THSD7A: variants seen among roughly 807,000 people sequenced by gnomAD.
THSD7A encodes the protein thrombospondin type-1 domain-containing protein 7A.
In THSD7A, 96 loss-of-function variants were observed where a neutral mutation model predicts 231.3. The ratio of observed to expected loss-of-function variants is 0.41; its 90% CI spans 0.35 to 0.49. The LOEUF (loss-of-function observed/expected upper bound fraction) is 0.49, where lower values mean the gene tolerates loss of function less well. Among genes scored for constraint, THSD7A ranks in the 20% least tolerant of loss-of-function variants. The pLI is 0.05. For synonymous variants in THSD7A, 940 were observed against 743.3 expected (o/e 1.26, Z -4.30); for missense variants, 2,290 against 2,070.2 (o/e 1.11, Z -2.06).
chr7:11,594,399 T>A (rs1011138685), intron 2 of THSD7A, among the ~76,000 whole-genome samples: 1 of 152,180 alleles, frequency 6.6e-6, no homozygotes, highest in Non-Finnish European at 1.5e-5. Context: ...AATTCTTTCA[T>A]TGGTTTTGGG....
intron 6 of THSD7A, among the ~76,000 whole-genome samples, chr7:11,532,626 T>C (rs1161785695): frequency 6.6e-6 from 1 of 152,166 alleles, no homozygotes; most frequent in Admixed American, 6.5e-5. Flanking sequence ...ACATATTACA[T>C]CATGCAGTGA....
At chr7:11,587,723 A>G (rs559201737) in intron 4 of THSD7A, among the ~76,000 whole-genome samples, 3 of 152,328 alleles carry the variant, frequency 2.0e-5, no homozygotes, top group Middle Eastern at 3.4e-3. Flanking sequence ...GTAGTACAGA[A>G]TATACCAATG....
chr7:11,812,105 T>TTGTG (rs34130500), intron 1 of THSD7A, among the ~76,000 whole-genome samples: 23 of 133,626 alleles, frequency 1.7e-4, no homozygotes, highest in Non-Finnish European at 2.5e-4. Flanking sequence ...GAAAAGAAAA[T>TTGTG]TGTGTGTGTG....
chr7:11,519,149 C>T (rs182830547), intron 6 of THSD7A, among the ~76,000 whole-genome samples: 8 of 150,546 alleles, frequency 5.3e-5, no homozygotes, highest in Admixed American at 4.6e-4. Context: ...AAGTTATAGA[C>T]AGTAATGTTC....
At chr7:11,639,014 C>G (rs577835615) in intron 1 of THSD7A, among the ~76,000 whole-genome samples, 1 of 152,096 alleles carries the variant, frequency 6.6e-6, no homozygotes, top group Non-Finnish European at 1.5e-5. Context: ...TATTCCCCAT[C>G]CCCACTGTGC....
chr7:11,810,675 G>A (rs549412981), intron 1 of THSD7A, among the ~76,000 whole-genome samples: 1 of 152,128 alleles, frequency 6.6e-6, no homozygotes, highest in South Asian at 2.1e-4. Context: ...TTCCATTCCA[G>A]ATGCCTTAAT....
chr7:11,405,435 T>A (rs1053628033), intron 22 of THSD7A, among the ~76,000 whole-genome samples: 2 of 152,118 alleles, frequency 1.3e-5, no homozygotes, highest in Admixed American at 6.6e-5. Flanking sequence ...ATAAGCAAAT[T>A]GGGAGAATAC....
intron 6 of THSD7A, among the ~76,000 whole-genome samples, chr7:11,507,850 AG>A (rs1787619370): frequency 6.6e-6 from 1 of 152,216 alleles, no homozygotes; most frequent in Admixed American, 6.5e-5. Flanking sequence ...GTAAAATATA[AG>A]GAACTCTTAT....
Position 11,444,840 on chromosome 7 carries a change from T to A in THSD7A, c.3064+1221A>T, listed in dbSNP as rs1029160105. ...TATATATATAATTAAACTATATATA[T>A]AATTAAACTATATATATAAAACTAT... On this transcript the variant is annotated intron_variant, in intron 13 of 27. Transcript: ENST00000423059. The surrounding 1 kb of genome is among the most constrained non-coding windows in gnomAD (Gnocchi z 4.2). Among the ~76,000 whole-genome samples, 1 of 147,762 alleles carries A rather than the reference T, an allele frequency of 6.8e-6. No individual in the cohort carries two copies. The highest frequency in any genetic ancestry group is 2.5e-5 in the African/African-American group (1 of 40,726).
At chr7:11,800,985 A>G (rs1166392231) in intron 1 of THSD7A, among the ~76,000 whole-genome samples, 1 of 152,086 alleles carries the variant, frequency 6.6e-6, no homozygotes, top group African/African-American at 2.4e-5. Flanking sequence ...TCAAGGGTAA[A>G]CATATATGTC....
intron 1 of THSD7A, among the ~76,000 whole-genome samples, chr7:11,810,432 A>G (rs1282953595): frequency 6.6e-6 from 1 of 152,140 alleles, no homozygotes; most frequent in South Asian, 2.1e-4. Context: ...TACACTGATT[A>G]CAATTGCTAT....
intron 1 of THSD7A, among the ~76,000 whole-genome samples, chr7:11,661,776 T>C (rs541666379): frequency 4.6e-5 from 7 of 151,302 alleles, no homozygotes; most frequent in African/African-American, 1.4e-4. Flanking sequence ...TAAATCCCAG[T>C]GAATATTGAA....
At chr7:11,567,931 T>C (rs1331529030) in intron 4 of THSD7A, among the ~76,000 whole-genome samples, 1 of 152,188 alleles carries the variant, frequency 6.6e-6, no homozygotes, top group Non-Finnish European at 1.5e-5. Context: ...CCTAATTTTT[T>C]TGGTAATTAC....
At chr7:11,428,464 G>T (rs1269322918) in intron 14 of THSD7A, among the ~76,000 whole-genome samples, 1 of 152,082 alleles carries the variant, frequency 6.6e-6, no homozygotes, top group Non-Finnish European at 1.5e-5. Flanking sequence ...GGCCATCTTT[G>T]TATTTCTTTT....
intron 2 of THSD7A, among the ~76,000 whole-genome samples, chr7:11,623,634 G>A (rs557581274): frequency 5.3e-5 from 8 of 152,198 alleles, no homozygotes; most frequent in East Asian, 1.9e-4. Flanking sequence ...TGAGTAGAGC[G>A]AAGTGATTAT....
chr7:11,388,071 A>C (rs1362352877), intron 23 of THSD7A, among the ~76,000 whole-genome samples: 2 of 152,112 alleles, frequency 1.3e-5, no homozygotes, highest in Non-Finnish European at 2.9e-5. Flanking sequence ...GTGGTAGATA[A>C]GCTTTTTGAT....
At chr7:11,558,799 T>G (rs535722175) in intron 4 of THSD7A, among the ~76,000 whole-genome samples, 4 of 152,272 alleles carry the variant, frequency 2.6e-5, no homozygotes, top group Non-Finnish European at 5.9e-5. Context: ...TTCTATGCCT[T>G]AATCCTTGGA....
intron 9 of THSD7A, among the ~76,000 whole-genome samples, chr7:11,465,602 T>C (rs1785670734): frequency 6.6e-6 from 1 of 151,892 alleles, no homozygotes; most frequent in Admixed American, 6.6e-5. Context: ...ATGGGATGGA[T>C]TGCAGGTTGA....
At chr7:11,423,093 C>T (rs1050041119) in intron 16 of THSD7A, among the ~76,000 whole-genome samples, 53 of 152,224 alleles carry the variant, frequency 3.5e-4, no homozygotes, top group African/African-American at 1.3e-3. Flanking sequence ...CTTATTACCT[C>T]TCTACCTCTT....
Sources: gnomAD v4.1 joint callset for allele counts (sites outside exome capture counted in the v4.1 genomes callset) on GRCh38, gnomAD v4.1.1 for gene constraint, Gnocchi (gnomAD v3.1) non-coding constraint, MANE v1.5 for transcripts, NCBI Gene and HGNC (gene_info 2026-07-23, HGNC 2026-07-21) for gene names.